The following VAV3 variants were observed in gnomAD, a reference collection of about 807,000 sequenced individuals.
VAV3 encodes the protein guanine nucleotide exchange factor VAV3.
A neutral mutation model predicts 131.2 loss-of-function variants in VAV3; 94 were observed. That is an observed-to-expected ratio of 0.72 (90% CI 0.61 to 0.85). The LOEUF is 0.85. Ranked by LOEUF, VAV3 falls within the 40% of genes least tolerant of loss-of-function variation. VAV3 has a pLI of 0.00. For missense variants in VAV3, 939 were observed against 1,002.7 expected (o/e 0.94, Z 0.86); for synonymous variants, 349 against 342.0 (o/e 1.02, Z -0.22).
chr1:107,679,638 A>G (rs1296553656), intron 19 of VAV3, among the ~76,000 whole-genome samples: 2 of 152,224 alleles, frequency 1.3e-5, no homozygotes, highest in African/African-American at 4.8e-5. Context: ...TAAATCTTGT[A>G]TCTCCTACAC....
intron 1 of VAV3, among the ~76,000 whole-genome samples, chr1:107,909,009 C>T (rs1315695990): frequency 6.6e-6 from 1 of 152,118 alleles, no homozygotes; most frequent in Non-Finnish European, 1.5e-5. Flanking sequence ...TACTTTACAT[C>T]CTGTTAAAGA....
At chr1:107,691,200 G>A (rs1557766344) in intron 17 of VAV3, among the ~76,000 whole-genome samples, 1 of 152,076 alleles carries the variant, frequency 6.6e-6, no homozygotes, top group Non-Finnish European at 1.5e-5. Context: ...ATAATGGTAA[G>A]GAGAGAAAGG....
At chr1:107,861,950 C>T (rs1669761240) in intron 2 of VAV3, among the ~76,000 whole-genome samples, 1 of 151,590 alleles carries the variant, frequency 6.6e-6, no homozygotes, top group Non-Finnish European at 1.5e-5. Context: ...GATTTAAAAA[C>T]CATTCATTTT....
intron 1 of VAV3, among the ~76,000 whole-genome samples, chr1:107,947,458 G>A (rs774723828): frequency 3.9e-5 from 6 of 152,154 alleles, no homozygotes; most frequent in Non-Finnish European, 7.3e-5. Flanking sequence ...GTGTGGGACA[G>A]GAGAAGGGAA....
At chr1:107,786,879 G>T (rs1001942856) in intron 2 of VAV3, among the ~76,000 whole-genome samples, 1 of 152,108 alleles carries the variant, frequency 6.6e-6, no homozygotes, top group African/African-American at 2.4e-5. Context: ...AAATTCTAGA[G>T]ATATCATGTT....
chr1:107,675,317 A>C (rs1658123298), intron 19 of VAV3, among the ~76,000 whole-genome samples: 1 of 152,158 alleles, frequency 6.6e-6, no homozygotes, highest in African/African-American at 2.4e-5. Flanking sequence ...TATCTCATTT[A>C]ATCTTCATAA....
At chr1:107,851,884 T>A (rs141867426) in intron 2 of VAV3, among the ~76,000 whole-genome samples, 1 of 152,270 alleles carries the variant, frequency 6.6e-6, no homozygotes, top group East Asian at 1.9e-4. Context: ...TTTACGAGTT[T>A]GCTGATTTTT....
intron 15 of VAV3, among the ~76,000 whole-genome samples, chr1:107,738,030 A>G (rs1395133052): frequency 2.0e-5 from 3 of 152,236 alleles, no homozygotes; most frequent in African/African-American, 7.2e-5. Context: ...GCAGCCATAA[A>G]AAAGGATGAG....
At chr1:107,615,210 C>A (rs1653053229) in intron 21 of VAV3, among the ~76,000 whole-genome samples, 1 of 152,010 alleles carries the variant, frequency 6.6e-6, no homozygotes, top group Non-Finnish European at 1.5e-5. Flanking sequence ...CAAAAACAGG[C>A]AATGGGGATA....
chr1:107,713,981 A>T (rs1428232100), intron 15 of VAV3, among the ~76,000 whole-genome samples: 3 of 152,184 alleles, frequency 2.0e-5, no homozygotes, highest in Non-Finnish European at 4.4e-5. Context: ...TTCAAATACT[A>T]GCTCTAGACG....
chr1:107,631,346 C>T (rs1654465365), intron 20 of VAV3, among the ~76,000 whole-genome samples: 1 of 151,952 alleles, frequency 6.6e-6, no homozygotes, highest in Non-Finnish European at 1.5e-5. Flanking sequence ...CTAACTGTTC[C>T]ATGGTCCCTA....
In VAV3 at chr1:107,777,244, G is replaced by C; in HGVS notation, c.433C>G (p.Pro145Ala). Reference protein sequence around the residue: ...INDEDIYKGLPDLIDETLVED... With the variant: ...INDEDIYKGLADLIDETLVED... ...TTTTCAACATACTCTATTAAATCAG[G>C]AAGGCCTTTGTAGATGTCTTCATCA... Residue 145 changes from proline to alanine, a missense_variant, in exon 4 of 27, where the codon CCT becomes GCT. Pro to Ala is a conservative substitution (Grantham distance 27, BLOSUM62 -1). Coordinates refer to ENST00000370056, the MANE Select transcript of VAV3 (RefSeq NM_006113.5). 6.2e-7 allele frequency: 1 copy of C among 1,613,924 alleles called. No homozygotes were observed. The highest frequency in any genetic ancestry group is 8.5e-7 in the Non-Finnish European group (1 of 1,179,908).
Position 107,768,448 on chromosome 1 carries a change from T to G in VAV3, c.710A>C (p.Asn237Thr). Reference sequence around the variant, plus strand: ...TAGCATATTTTTACTCACAGGAATGTTGATGAATACTGAATCAAATTCTGC... The same window carrying G: ...TAGCATATTTTTACTCACAGGAATGGTGATGAATACTGAATCAAATTCTGC... Reference protein sequence around the residue: ...TAAEFDSVFINIPELVKLHRN... With the variant: ...TAAEFDSVFITIPELVKLHRN... The change falls in exon 7 of 27, where the codon AAC becomes ACC. Residue 237 changes from asparagine (N) to threonine (T), a missense_variant. Coordinates refer to ENST00000370056, the MANE Select transcript of VAV3 (RefSeq NM_006113.5). The G allele has an allele frequency of 6.2e-7, 1 of 1,611,340 alleles. No individual in the cohort carries two copies. The highest frequency in any genetic ancestry group is 1.3e-5 in the African/African-American group (1 of 75,004).
intron 2 of VAV3, among the ~76,000 whole-genome samples, chr1:107,846,488 A>C (rs1416055484): frequency 6.6e-6 from 1 of 152,220 alleles, no homozygotes; most frequent in Non-Finnish European, 1.5e-5. Flanking sequence ...ATAAAGAGTC[A>C]AGACCCATTG....
At chr1:107,656,523 G>C (rs1445596134) in intron 19 of VAV3, among the ~76,000 whole-genome samples, 3 of 152,102 alleles carry the variant, frequency 2.0e-5, no homozygotes, top group Non-Finnish European at 4.4e-5. Flanking sequence ...GCAGAAAGAA[G>C]ATCTGATGTT....
At chr1:107,634,250 C>T (rs1354403093) in intron 20 of VAV3, among the ~76,000 whole-genome samples, 1 of 152,138 alleles carries the variant, frequency 6.6e-6, no homozygotes, top group African/African-American at 2.4e-5. Flanking sequence ...ACCAAAACAG[C>T]ATGGTACTGG....
chr1:107,709,651 A>G (rs1199384339), intron 15 of VAV3, among the ~76,000 whole-genome samples: 1 of 152,192 alleles, frequency 6.6e-6, no homozygotes, highest in Non-Finnish European at 1.5e-5. Flanking sequence ...GGTGGAGATA[A>G]CTGAATCGTG....
At chr1:107,823,307 T>C (rs927808238) in intron 2 of VAV3, among the ~76,000 whole-genome samples, 1 of 152,174 alleles carries the variant, frequency 6.6e-6, no homozygotes, top group Non-Finnish European at 1.5e-5. Flanking sequence ...AAGAAGCACA[T>C]ATATGAATTT....
intron 1 of VAV3, among the ~76,000 whole-genome samples, chr1:107,876,030 G>A (rs1309241333): frequency 5.3e-5 from 8 of 152,096 alleles, no homozygotes; most frequent in Admixed American, 4.6e-4. Flanking sequence ...GAGTACCTGA[G>A]CCAGGAAACT....
Sources: gnomAD v4.1 joint callset for allele counts (sites outside exome capture counted in the v4.1 genomes callset) on GRCh38, gnomAD v4.1.1 for gene constraint, MANE v1.5 for transcripts, NCBI Gene and HGNC (gene_info 2026-07-23, HGNC 2026-07-21) for gene names.